The following DNM2 variants were observed in gnomAD, a reference collection of about 807,000 sequenced individuals.
DNM2 encodes the protein dynamin-2.
DNM2 carries 15 observed loss-of-function variants against 99.0 expected under a neutral mutation model. The ratio of observed to expected loss-of-function variants is 0.15; its 90% CI spans 0.10 to 0.23. The LOEUF (loss-of-function observed/expected upper bound fraction) is 0.23, where lower values mean the gene tolerates loss of function less well. Among genes scored for constraint, DNM2 ranks in the 10% least tolerant of loss-of-function variants. The pLI, the probability that DNM2 is intolerant of heterozygous loss-of-function variation, is 1.00. For synonymous variants in DNM2, 525 were observed against 481.2 expected (o/e 1.09, Z -1.19); for missense variants, 742 against 1,189.4 (o/e 0.62, Z 5.53).
intron 1 of DNM2, among the ~76,000 whole-genome samples, chr19:10,732,510 G>T (rs2069364866): frequency 6.6e-6 from 1 of 151,772 alleles, no homozygotes; most frequent in South Asian, 2.1e-4. Flanking sequence ...TGAGGCAAGA[G>T]AATGGTGTGA....
chr19:10,761,028 C>T (rs962864089), intron 2 of DNM2, among the ~76,000 whole-genome samples: 33 of 151,810 alleles, frequency 2.2e-4, no homozygotes, highest in African/African-American at 8.0e-4. Flanking sequence ...CTTGCTCTGT[C>T]GCCAGGCTGG....
intron 7 of DNM2, among the ~76,000 whole-genome samples, chr19:10,790,233 G>T (rs1452054444): frequency 1.3e-5 from 2 of 152,210 alleles, no homozygotes; most frequent in African/African-American, 2.4e-5. Flanking sequence ...TTCTGTCTCC[G>T]CCTGGTGCAG....
intron 8 of DNM2, among the ~76,000 whole-genome samples, chr19:10,794,344 C>CGTGTGTATGT (rs2097409378): frequency 1.4e-5 from 2 of 141,616 alleles, no homozygotes; most frequent in Non-Finnish European, 3.1e-5. Flanking sequence ...CTTCTTTTTC[C>CGTGTGTATGT]GTGTGTGTGT....
intron 1 of DNM2, among the ~76,000 whole-genome samples, chr19:10,736,493 TTTGTC>T (rs1377439916): frequency 3.3e-5 from 5 of 152,190 alleles, no homozygotes; most frequent in Non-Finnish European, 5.9e-5. Flanking sequence ...TCAAAATTGT[TTTGTC>T]TAGTCTAGTT....
chr19:10,791,953 T>G (rs2071768093), intron 7 of DNM2, among the ~76,000 whole-genome samples: 1 of 152,088 alleles, frequency 6.6e-6, no homozygotes, highest in South Asian at 2.1e-4. Flanking sequence ...CTGGGCATGG[T>G]GGCGGGCACC....
chr19:10,826,266 G>A (rs918614818), intron 18 of DNM2, among the ~76,000 whole-genome samples: 11 of 152,184 alleles, frequency 7.2e-5, no homozygotes, highest in Non-Finnish European at 1.5e-5. Context: ...TTCACAGACA[G>A]AAAACAAGGC....
rs182218052 is a variant in DNM2, at chr19:10,723,035, C to T, written c.161+4632C>T. 4.3e-3 allele frequency among the ~76,000 whole-genome samples: 645 copies of T among 149,586 alleles called. 2 individuals carry two copies. The highest frequency in any genetic ancestry group is 6.6e-3 in the Non-Finnish European group (448 of 67,398). The stretch of plus-strand genomic sequence containing the variant: ...AGGCTGGAGTGCAGTGGTGCGATCT[C>T]GGCTCACTGCAATCTCGCCTCCTGA... On this transcript the variant is annotated intron_variant, in intron 1 of 20. Transcript: ENST00000389253.
intron 1 of DNM2, among the ~76,000 whole-genome samples, chr19:10,721,124 C>T (rs142270584): frequency 2.6e-5 from 4 of 152,088 alleles, no homozygotes; most frequent in Non-Finnish European, 5.9e-5. Context: ...GTTCCTGTGG[C>T]GACCTCCTAG....
At chr19:10,723,666 T>G (rs553126341) in intron 1 of DNM2, among the ~76,000 whole-genome samples, 1 of 152,340 alleles carries the variant, frequency 6.6e-6, no homozygotes, top group Admixed American at 6.5e-5. Flanking sequence ...GAAGAAGTGC[T>G]TAAAACATTA....
chr19:10,738,216 C>G (rs2069601098), intron 1 of DNM2, among the ~76,000 whole-genome samples: 1 of 151,926 alleles, frequency 6.6e-6, no homozygotes, highest in Non-Finnish European at 1.5e-5. Flanking sequence ...CAAGATCACG[C>G]CGCTGTACTC....
chr19:10,759,817 AT>A lies in DNM2; in HGVS notation c.235+7del. The A allele has an allele frequency of 6.2e-7, 1 of 1,613,852 alleles. No homozygotes were observed. Among genetic ancestry groups the A allele is most frequent in the Non-Finnish European group, 8.5e-7 (1 of 1,179,914 alleles). ...GCTCATCTTCTCAAAAACAGGTAAA[AT>A]GGGGCGGCCTGAGGTTCAGCAGGAA... On this transcript the variant is annotated splice_region_variant and intron_variant, in intron 2 of 20. Transcript: ENST00000389253.
chr19:10,822,438 G>A (rs2146172556), intron 16 of DNM2, among the ~76,000 whole-genome samples: 1 of 152,022 alleles, frequency 6.6e-6, no homozygotes, highest in African/African-American at 2.4e-5. Flanking sequence ...CAATCCCCCT[G>A]TCTCAGCCTC....
Position 10,783,139 on chromosome 19 carries a change from C to T in DNM2, c.849+19C>T, listed in dbSNP as rs558595804. 2.1e-5 allele frequency: 34 copies of T among 1,607,386 alleles called. No homozygotes were observed. The highest frequency in any genetic ancestry group is 6.6e-5 in the South Asian group (6 of 91,090). On this transcript the variant is annotated intron_variant, in intron 6 of 20. Transcript: ENST00000389253. ...GAATCAGGTACTGCAAGGGTTTGCA[C>T]GTAGTGTGCAGTGGCATAGGCTGTG...
intron 13 of DNM2, among the ~76,000 whole-genome samples, chr19:10,807,517 A>G (rs949430951): frequency 2.1e-5 from 3 of 142,388 alleles, no homozygotes; most frequent in East Asian, 2.2e-4. Flanking sequence ...TGGAATTACA[A>G]GCGTGAGCCA....
At chr19:10,807,561 T>C (rs900148226) in intron 13 of DNM2, among the ~76,000 whole-genome samples, 1 of 137,846 alleles carries the variant, frequency 7.3e-6, no homozygotes, top group Non-Finnish European at 1.6e-5. Context: ...TTTTTTTTTT[T>C]TTTTTGAGAC....
rs777480872 is a variant in DNM2, at chr19:10,797,951, A to G, written c.1335+433A>G. On this transcript the variant is annotated intron_variant, in intron 10 of 20. Transcript: ENST00000389253. The stretch of plus-strand genomic sequence containing the variant: ...TGCAGAAGATGGGACTCCCCTGTGC[A>G]TGAGGTCTGGTTAAGTTGGTGCTGC... Among the ~76,000 whole-genome samples the G allele has an allele frequency of 6.8e-4, 104 of 152,060 alleles. 1 individual carries two copies. Among genetic ancestry groups the G allele is most frequent in the Non-Finnish European group, 1.0e-3 (70 of 68,008 alleles).
intron 1 of DNM2, among the ~76,000 whole-genome samples, chr19:10,754,799 C>T (rs2070327886): frequency 6.6e-6 from 1 of 151,842 alleles, no homozygotes; most frequent in Admixed American, 6.6e-5. Context: ...GTTATGTTGC[C>T]CAGGCTGGTC....
In DNM2 at chr19:10,797,466, T is replaced by C; in HGVS notation, c.1283T>C (p.Val428Ala). The change falls in exon 10 of 21, where the codon GTT becomes GCT. Residue 428 changes from valine (V) to alanine (A), a missense_variant. Transcript: ENST00000389253. ...CTCAAAGAGCCGAGTTTGAAGTGTG[T>C]TGATCTCGTGGTCTCAGAGCTGGCC... ...VKLKEPSLKC[V>A]DLVVSELATV... 1.2e-6 allele frequency: 2 copies of C among 1,614,014 alleles called. No homozygotes were observed. Among genetic ancestry groups the C allele is most frequent in the Non-Finnish European group, 1.7e-6 (2 of 1,179,986 alleles).
In DNM2 at chr19:10,774,040, A is replaced by C. The variant is rs193074161; in HGVS notation, c.385+1412A>C. 2.2e-3 allele frequency among the ~76,000 whole-genome samples: 338 copies of C among 152,370 alleles called. 1 individual carries two copies. The highest frequency in any genetic ancestry group is 0.015 in the South Asian group (71 of 4,832). ...AAGTTTTAAATTTGTTTTTCAATAA[A>C]TGACACCTGCATGTGGCTCAGAATT... is the stretch of plus-strand genomic sequence containing the variant. On this transcript the variant is annotated intron_variant, in intron 3 of 20. Transcript: ENST00000389253.
Sources: gnomAD v4.1 joint callset for allele counts (sites outside exome capture counted in the v4.1 genomes callset) on GRCh38, gnomAD v4.1.1 for gene constraint, MANE v1.5 for transcripts, NCBI Gene and HGNC (gene_info 2026-07-23, HGNC 2026-07-21) for gene names.